Variants in NEDD9 observed in about 807,000 individuals in gnomAD.
The protein encoded by NEDD9 is neural precursor cell expressed, developmentally down-regulated 9.
A neutral mutation model predicts 76.6 loss-of-function variants in NEDD9; 26 were observed. That is an observed-to-expected ratio of 0.34 (90% confidence interval 0.25 to 0.47). NEDD9 has a LOEUF of 0.47. Among genes scored for constraint, NEDD9 ranks in the 20% least tolerant of loss-of-function variants. The pLI, the probability that NEDD9 is intolerant of heterozygous loss-of-function variation, is 1.00. For synonymous variants in NEDD9, 392 were observed against 414.2 expected (o/e 0.95, Z 0.65); for missense variants, 937 against 1,058.5 (o/e 0.89, Z 1.59).
At chr6:11,350,347 G>A (rs1485509545) in intron 1 of NEDD9, among the ~76,000 whole-genome samples, 1 of 152,190 alleles carries the variant, frequency 6.6e-6, no homozygotes, top group Non-Finnish European at 1.5e-5. Context: ...TACATACAAA[G>A]TCTTGTATCA....
intron 1 of NEDD9, among the ~76,000 whole-genome samples, chr6:11,361,012 G>T (rs1253774002): frequency 6.6e-6 from 1 of 152,224 alleles, no homozygotes; most frequent in East Asian, 1.9e-4. Context: ...GTACATGTGT[G>T]TGAGGCATGT....
At position 11,185,275 on chromosome 6, in the gene NEDD9, C is replaced by T. The variant is rs757379956; in HGVS notation, c.2392G>A (p.Ala798Thr). The change falls in exon 7 of 7, where the codon GCC becomes ACC. Residue 798 changes from alanine to threonine, a missense_variant. Transcript: ENST00000379446. ...KTIVMATKMA[A>T]LHYPSTTALQ... The stretch of plus-strand genomic sequence containing the variant: ...GCCGTGGTGCTGGGGTAATGGAGGG[C>T]GGCCATCTTGGTTGCCATGACTATG... The T allele has an allele frequency of 2.5e-6, 4 of 1,614,088 alleles. No individual in the cohort carries two copies. The highest frequency in any genetic ancestry group is 2.2e-5 in the East Asian group (1 of 44,872).
chr6:11,234,916 T>C (rs1759568049), upstream of NEDD9, among the ~76,000 whole-genome samples: 1 of 152,140 alleles, frequency 6.6e-6, no homozygotes, highest in African/African-American at 2.4e-5. Flanking sequence ...TTCACCAGAT[T>C]GGCCAGGCTG....
In NEDD9 at chr6:11,242,236, C is replaced by T. The variant is rs148485841; in HGVS notation, c.13-28509G>A. ...CAAAGGGGGTCTGGCAATGAGCATG[C>T]ACAAGACTTGAAGTCTCGCTCACTG... On this transcript the variant is annotated intron_variant, in intron 3 of 3. Transcript: ENST00000397378. 2.6e-5 allele frequency among the ~76,000 whole-genome samples: 4 copies of T among 152,302 alleles called. No homozygotes were observed. In the East Asian group the frequency reaches 7.7e-4, roughly 29 times the overall value.
chr6:11,284,085 G>A lies in NEDD9; in HGVS notation c.12+21907C>T, dbSNP rs191342102. 2.0e-3 allele frequency among the ~76,000 whole-genome samples: 312 copies of A among 152,218 alleles called. 2 individuals are homozygous for A. Among genetic ancestry groups the A allele is most frequent in the Middle Eastern group, 3.4e-3 (1 of 294 alleles). On this transcript the variant is annotated intron_variant, in intron 3 of 3. Transcript: ENST00000397378. ...TATAATTCATACAATCTCCTCCAGG[G>A]TTTTAGACCTCAAGATAGGCCAGAG...
At chr6:11,308,658 C>T (rs1761271893) in intron 2 of NEDD9, among the ~76,000 whole-genome samples, 1 of 152,034 alleles carries the variant, frequency 6.6e-6, no homozygotes, top group Admixed American at 6.5e-5. Context: ...CGTGAGCCAC[C>T]GCGCCCGGCC....
At chr6:11,342,985 G>T (rs1210698908) in intron 1 of NEDD9, among the ~76,000 whole-genome samples, 2 of 151,966 alleles carry the variant, frequency 1.3e-5, no homozygotes, top group Admixed American at 6.6e-5. Context: ...AAAGAGGGAC[G>T]TTTCAAGGAA....
chr6:11,218,685 ATTG>A (rs1167824388), intron 1 of NEDD9, among the ~76,000 whole-genome samples: 1 of 152,118 alleles, frequency 6.6e-6, no homozygotes. Context: ...GGAGGGTGAA[ATTG>A]TTGTACTTAG....
chr6:11,373,984 G>A (rs955130474), intron 1 of NEDD9, among the ~76,000 whole-genome samples: 1 of 152,050 alleles, frequency 6.6e-6, no homozygotes, highest in Non-Finnish European at 1.5e-5. Flanking sequence ...TTGCCAGCCT[G>A]CCTTGCTGAT....
At position 11,241,486 on chromosome 6, in the gene NEDD9, C is replaced by T. The variant is rs1759706414; in HGVS notation, c.13-27759G>A. ...AGAAAAGGCTTATGGATTGTGTGCCCTAGCTTCCTAGATGGGCTGGATTTT... is the reference window on the plus strand; with the variant it reads ...AGAAAAGGCTTATGGATTGTGTGCCTTAGCTTCCTAGATGGGCTGGATTTT... On this transcript the variant is annotated intron_variant, in intron 3 of 3. Transcript: ENST00000397378. This position sits in a 1 kb window ranked among gnomAD's most constrained non-coding sequence, Gnocchi z 4.0. 6.6e-6 allele frequency among the ~76,000 whole-genome samples: 1 copy of T among 152,178 alleles called. No homozygotes were observed.
At chr6:11,189,148 T>C (rs1267634320) in intron 5 of NEDD9, among the ~76,000 whole-genome samples, 1 of 152,198 alleles carries the variant, frequency 6.6e-6, no homozygotes, top group Non-Finnish European at 1.5e-5. Context: ...GGTTTCACCA[T>C]ATTGGCCAGG....
chr6:11,286,099 A>G (rs900640150), intron 3 of NEDD9, among the ~76,000 whole-genome samples: 2 of 152,248 alleles, frequency 1.3e-5, no homozygotes, highest in Non-Finnish European at 2.9e-5. Flanking sequence ...TAAATCTGAT[A>G]AAGTAATTGT....
rs1268439259 is a variant in NEDD9, at chr6:11,188,011, G to A, written c.1995+207C>T. Among the ~76,000 whole-genome samples the A allele has an allele frequency of 2.0e-5, 3 of 152,150 alleles. No homozygotes were observed. The South Asian group carries it at 6.2e-4, about 32-fold the overall frequency. ...AGGTTTAGCCTTTAAAAAAATTGCCGTTTAGATGGAACCCAGGTACACCCA... is the reference window on the plus strand; with the variant it reads ...AGGTTTAGCCTTTAAAAAAATTGCCATTTAGATGGAACCCAGGTACACCCA... On this transcript the variant is annotated intron_variant, in intron 6 of 6. Coordinates refer to ENST00000379446, the MANE Select transcript of NEDD9 (RefSeq NM_006403.4).
chr6:11,304,569 A>T (rs1433739146), intron 3 of NEDD9, among the ~76,000 whole-genome samples: 1 of 152,276 alleles, frequency 6.6e-6, no homozygotes, highest in Non-Finnish European at 1.5e-5. Flanking sequence ...ATATCCATCA[A>T]TGATAGACTG....
chr6:11,355,968 A>C (rs201461284), intron 1 of NEDD9, among the ~76,000 whole-genome samples: 1 of 151,982 alleles, frequency 6.6e-6, no homozygotes, highest in East Asian at 1.9e-4. Context: ...TGATCTGCCC[A>C]CCTTGGCCTC....
intron 2 of NEDD9, chr6:11,200,049 A>G (rs1259943598): frequency 4.8e-6 from 1 of 210,268 alleles, no homozygotes; most frequent in African/African-American, 2.3e-5. Flanking sequence ...AGAAGAGTTA[A>G]TAGAGGTGAG....
chr6:11,301,102 G>A (rs376157915), intron 3 of NEDD9, among the ~76,000 whole-genome samples: 2 of 152,292 alleles, frequency 1.3e-5, no homozygotes, highest in South Asian at 4.1e-4. Flanking sequence ...ACCCATGGGT[G>A]TGCTGTATTC....
chr6:11,188,947 A>ATTTT (rs34060597), intron 5 of NEDD9, among the ~76,000 whole-genome samples: 2 of 145,966 alleles, frequency 1.4e-5, no homozygotes. Context: ...ATCTTGGTAG[A>ATTTT]TTTTTTTTTT....
intron 1 of NEDD9, among the ~76,000 whole-genome samples, chr6:11,371,319 G>A (rs1343393895): frequency 1.3e-5 from 2 of 152,098 alleles, no homozygotes; most frequent in Admixed American, 6.5e-5. Flanking sequence ...TTCGCACCTG[G>A]TGGTGTACAT....
Sources: gnomAD v4.1 joint callset for allele counts (sites outside exome capture counted in the v4.1 genomes callset) on GRCh38, gnomAD v4.1.1 for gene constraint, Gnocchi (gnomAD v3.1) non-coding constraint, MANE v1.5 for transcripts, NCBI Gene and HGNC (gene_info 2026-07-23, HGNC 2026-07-21) for gene names.